Variants in ERBIN observed in about 807,000 individuals in gnomAD.
ERBIN encodes erbb2 interacting protein, also known as densin-180-like protein.
ERBIN carries 60 observed loss-of-function variants against 158.4 expected under a neutral mutation model. That is an observed-to-expected ratio of 0.38 (90% CI 0.31 to 0.47). The LOEUF (loss-of-function observed/expected upper bound fraction) is 0.47, where lower values mean the gene tolerates loss of function less well. ERBIN is among the 20% of genes least tolerant of loss of function. The probability of loss-of-function intolerance (pLI) is 0.99; values close to 1 mark genes in which losing one functional copy is unlikely to be tolerated. For synonymous variants in ERBIN, 594 were observed against 557.2 expected, an observed-to-expected ratio of 1.07 and a Z score of -0.93; for missense variants, 1,610 against 1,648.0, an observed-to-expected ratio of 0.98 and a Z score of 0.40.
At chr5:65,977,213 C>A (rs1366787360) in intron 1 of ERBIN, among the ~76,000 whole-genome samples, 2 of 145,910 alleles carry the variant, frequency 1.4e-5, no homozygotes, top group African/African-American at 5.4e-5. Context: ...CCCCCACCTC[C>A]CTCCCGGATG....
intron 21 of ERBIN, among the ~76,000 whole-genome samples, chr5:66,061,872 C>T (rs1188177649): frequency 6.6e-5 from 10 of 152,166 alleles, no homozygotes; most frequent in Admixed American, 2.0e-4. Context: ...GATATTGGCC[C>T]CCACTCTCTT....
intron 1 of ERBIN, among the ~76,000 whole-genome samples, chr5:65,969,825 C>T (rs1433058500): frequency 6.6e-6 from 1 of 152,136 alleles, no homozygotes; most frequent in Non-Finnish European, 1.5e-5. Context: ...ATACTGCTTC[C>T]TAAATTGTTC....
intron 1 of ERBIN, among the ~76,000 whole-genome samples, chr5:65,977,207 C>T (rs1361102512): frequency 7.0e-6 from 1 of 143,068 alleles, no homozygotes; most frequent in Admixed American, 6.7e-5. Context: ...GACCCCCCCC[C>T]ACCTCCCTCC....
At chr5:65,930,498 C>T (rs1425556590) in intron 1 of ERBIN, among the ~76,000 whole-genome samples, 4 of 152,082 alleles carry the variant, frequency 2.6e-5, no homozygotes, top group South Asian at 2.1e-4. Context: ...TTAGTAGAGA[C>T]GCGGTTTCAC....
At chr5:65,941,529 C>A (rs1013983981) in intron 1 of ERBIN, among the ~76,000 whole-genome samples, 1 of 151,986 alleles carries the variant, frequency 6.6e-6, no homozygotes, top group Admixed American at 6.6e-5. Context: ...TGGAACTAAT[C>A]CCCCATAGAT....
Position 66,024,383 on chromosome 5 carries a change from A to G in ERBIN, c.750A>G (p.Ser250=). 2 of 1,606,698 alleles carry G rather than the reference A, an allele frequency of 1.2e-6. No homozygotes were observed. The highest frequency in any genetic ancestry group is 2.2e-5 in the South Asian group (2 of 89,290). The stretch of plus-strand genomic sequence containing the variant: ...TTGAAATGGTTGAAGAAGGAATTTC[A>G]ACATGTGAAAACCTTCAAGACCTCC... ...NNIEMVEEGI[S]TCENLQDLLL... Residue 250 remains serine (S), a synonymous_variant, in exon 10 of 26, where the codon TCA becomes TCG. Coordinates refer to ENST00000284037, the MANE Select transcript of ERBIN (RefSeq NM_001253697.2).
intron 1 of ERBIN, among the ~76,000 whole-genome samples, chr5:65,973,999 C>T (rs1447505384): frequency 6.6e-6 from 1 of 151,142 alleles, no homozygotes; most frequent in Non-Finnish European, 1.5e-5. Flanking sequence ...CTTTGGGAGG[C>T]TGAGGCTGGG....
chr5:66,067,937 C>T (rs1761166245), intron 21 of ERBIN, among the ~76,000 whole-genome samples: 1 of 151,972 alleles, frequency 6.6e-6, no homozygotes, highest in African/African-American at 2.4e-5. Flanking sequence ...ATAGCAAGAC[C>T]CATGTCTCTT....
intron 7 of ERBIN, 106 bp from the exon 8 acceptor site, chr5:66,021,216 G>A: frequency 1.8e-6 from 1 of 552,970 alleles, no homozygotes. Context: ...ACATGTGAAA[G>A]CCCATAAATA....
At position 65,994,734 on chromosome 5, in the gene ERBIN, C is replaced by CT; in HGVS notation, c.190-7dup. The CT allele has an allele frequency of 6.7e-7, 1 of 1,482,596 alleles. No homozygotes were observed. Among genetic ancestry groups the CT allele is most frequent in the Non-Finnish European group, 9.3e-7 (1 of 1,080,646 alleles). The allele number at this position is 1,482,596 out of a possible 1,614,324, so 91.8% of individuals were successfully genotyped here. On this transcript the variant is annotated splice_polypyrimidine_tract_variant and intron_variant, in intron 3 of 25. Coordinates refer to ENST00000284037, the MANE Select transcript of ERBIN (RefSeq NM_001253697.2). ...GTATATAATTGACATTCTTTCCTCC[C>CT]TTTTTTCAATAGCAACTTTTTAACT...
chr5:66,045,966 T>G (rs1758402741), intron 17 of ERBIN, among the ~76,000 whole-genome samples: 1 of 152,220 alleles, frequency 6.6e-6, no homozygotes. Context: ...ACACACATTA[T>G]TGTATCACAG....
chr5:65,954,449 T>C (rs370377792), intron 1 of ERBIN, among the ~76,000 whole-genome samples: 1 of 152,292 alleles, frequency 6.6e-6, no homozygotes, highest in East Asian at 1.9e-4. Flanking sequence ...CTTTGTTCCA[T>C]GTAAGACAGT....
At chr5:65,986,789 A>G (rs1041549518) in intron 1 of ERBIN, among the ~76,000 whole-genome samples, 1 of 152,132 alleles carries the variant, frequency 6.6e-6, no homozygotes, top group Non-Finnish European at 1.5e-5. Flanking sequence ...TAATTCAGCT[A>G]TAATTAATAA....
chr5:66,046,115 G>A (rs941017726), intron 17 of ERBIN, among the ~76,000 whole-genome samples: 10 of 152,198 alleles, frequency 6.6e-5, no homozygotes, highest in South Asian at 4.1e-4. Context: ...GCTTCTAAGA[G>A]GAAAGTAACC....
At chr5:66,018,448 T>TC (rs1755049792) in intron 7 of ERBIN, among the ~76,000 whole-genome samples, 1 of 43,566 alleles carries the variant, frequency 2.3e-5, no homozygotes, top group Non-Finnish European at 4.0e-5. Context: ...TATAATATAA[T>TC]ATATATTATA....
intron 1 of ERBIN, among the ~76,000 whole-genome samples, chr5:65,952,201 T>TC (rs934313001): frequency 1.3e-5 from 2 of 151,954 alleles, no homozygotes; most frequent in Admixed American, 6.6e-5. Flanking sequence ...GCTTTTTTTT[T>TC]CCCCCCAACT....
In ERBIN at chr5:66,082,110, AG is replaced by A. The variant is rs1762411974; in HGVS notation, c.*3581del. 2 of 152,206 alleles carry A rather than the reference AG, an allele frequency of 1.3e-5. No individual in the cohort carries two copies. Among genetic ancestry groups the A allele is most frequent in the African/African-American group, 4.8e-5 (2 of 41,452 alleles). 9.4% of individuals were successfully genotyped at this position (152,206 alleles called of 1,614,324 possible). On this transcript the variant is annotated 3_prime_UTR_variant, in exon 26 of 26. Coordinates refer to ENST00000284037, the MANE Select transcript of ERBIN (RefSeq NM_001253697.2). ...AATGCTATCTTCTACAGTCTCATGA[AG>A]CAGTTTTTCAAGATTAGAATCTGTG...
chr5:65,968,516 G>T (rs1348791624), intron 1 of ERBIN, among the ~76,000 whole-genome samples: 1 of 152,136 alleles, frequency 6.6e-6, no homozygotes, highest in African/African-American at 2.4e-5. Context: ...AAAGAAGGAA[G>T]GTAGGCAGAA....
intron 7 of ERBIN, among the ~76,000 whole-genome samples, chr5:66,019,328 G>A (rs1755440808): frequency 3.3e-5 from 5 of 152,194 alleles, no homozygotes; most frequent in Non-Finnish European, 7.4e-5. Context: ...AAGAGCTGTT[G>A]TTTTAGATAT....
Sources: gnomAD v4.1 joint callset for allele counts (sites outside exome capture counted in the v4.1 genomes callset) on GRCh38, gnomAD v4.1.1 for gene constraint, MANE v1.5 for transcripts, NCBI Gene and HGNC (gene_info 2026-07-23, HGNC 2026-07-21) for gene names.